The following ABLIM1 variants were observed in gnomAD, a reference collection of about 807,000 sequenced individuals.
ABLIM1 encodes the protein actin-binding LIM protein 1.
ABLIM1 carries 40 observed loss-of-function variants against 107.0 expected under a neutral mutation model. That is an observed-to-expected ratio of 0.37 (90% CI 0.29 to 0.49). The LOEUF (loss-of-function observed/expected upper bound fraction) is 0.49, where lower values mean the gene tolerates loss of function less well. ABLIM1 is among the 20% of genes least tolerant of loss of function. The pLI, the probability that ABLIM1 is intolerant of heterozygous loss-of-function variation, is 0.97. For synonymous variants in ABLIM1, 357 were observed against 357.3 expected, an observed-to-expected ratio of 1.00 and a Z score of 0.01; for missense variants, 857 against 1,008.5, an observed-to-expected ratio of 0.85 and a Z score of 2.04.
At chr10:114,615,032 A>G (rs1308373632) in intron 1 of ABLIM1, among the ~76,000 whole-genome samples, 2 of 148,236 alleles carry the variant, frequency 1.3e-5, no homozygotes, top group Non-Finnish European at 3.0e-5. Flanking sequence ...TCTGGGCAAT[A>G]AGAGCAAAAC....
At chr10:114,452,732 G>T (rs972532041) in intron 13 of ABLIM1, among the ~76,000 whole-genome samples, 1 of 151,968 alleles carries the variant, frequency 6.6e-6, no homozygotes, top group Non-Finnish European at 1.5e-5. Flanking sequence ...TATATTAATG[G>T]GCTCTGATTA....
chr10:114,453,579 G>C (rs995867017), intron 12 of ABLIM1, 96 bp from the exon 13 acceptor site: 1 of 997,540 alleles, frequency 1.0e-6, no homozygotes, highest in Non-Finnish European at 1.4e-6. Context: ...CAACAGACTG[G>C]AAGGAGGTTC....
intron 6 of ABLIM1, among the ~76,000 whole-genome samples, chr10:114,530,019 C>A (rs1231729964): frequency 6.6e-6 from 1 of 152,220 alleles, no homozygotes; most frequent in Admixed American, 6.5e-5. Context: ...AAGAGTGAAA[C>A]CCCATCTCAA....
At position 114,632,716 on chromosome 10, in the gene ABLIM1, G is replaced by A. The variant is rs533444164; in HGVS notation, c.244+25241C>T. The A allele has an allele frequency of 9.1e-5, 90 of 985,384 alleles. 1 individual carries two copies. In the South Asian group the frequency reaches 2.6e-3, roughly 28 times the overall value. 61.0% of individuals were successfully genotyped at this position (985,384 alleles called of 1,614,324 possible). A position where few individuals can be genotyped will look rare whatever the true frequency, so the allele number is the denominator to read the frequency against. On this transcript the variant is annotated intron_variant, in intron 1 of 22. Coordinates refer to ENST00000533213, the MANE Select transcript of ABLIM1 (RefSeq NM_002313.7). ...CAAAGTTAAAATCTGATTTATCCAT[G>A]TAGGGGGGATTTTGACTTCCCCCTT...
chr10:114,732,252 C>T (rs1165669069), intron 1 of ABLIM1, among the ~76,000 whole-genome samples: 4 of 143,424 alleles, frequency 2.8e-5, no homozygotes, highest in South Asian at 2.3e-4. Context: ...GGCGCCACCT[C>T]GGCTCACTGC....
At chr10:114,611,234 A>G in intron 1 of ABLIM1, among the ~76,000 whole-genome samples, 1 of 152,186 alleles carries the variant, frequency 6.6e-6, no homozygotes, top group Admixed American at 6.5e-5. Context: ...TGGGAGGCCA[A>G]GGCGGGTGGA....
intron 8 of ABLIM1, among the ~76,000 whole-genome samples, chr10:114,481,041 T>C (rs1209184766): frequency 6.6e-6 from 1 of 152,216 alleles, no homozygotes; most frequent in African/African-American, 2.4e-5. Context: ...GCCTTGATTT[T>C]GTCCATCTGT....
intron 8 of ABLIM1, among the ~76,000 whole-genome samples, chr10:114,486,716 T>C (rs1274783212): frequency 5.9e-5 from 9 of 152,164 alleles, no homozygotes; most frequent in Admixed American, 4.6e-4. Flanking sequence ...AAGTGTTTTT[T>C]TTTCCCCCTC....
chr10:114,555,826 C>T (rs1209568645), intron 4 of ABLIM1, among the ~76,000 whole-genome samples: 1 of 151,832 alleles, frequency 6.6e-6, no homozygotes, highest in African/African-American at 2.4e-5. Context: ...TTCAAGCTTT[C>T]CTTGGAATGC....
At chr10:114,695,457 T>TG (rs1337289370) in intron 1 of ABLIM1, among the ~76,000 whole-genome samples, 1 of 152,064 alleles carries the variant, frequency 6.6e-6, no homozygotes, top group Non-Finnish European at 1.5e-5. Context: ...CCAAATTAAA[T>TG]GGGGGAAAGA....
intron 2 of ABLIM1, among the ~76,000 whole-genome samples, chr10:114,587,300 G>A (rs967213424): frequency 6.6e-6 from 1 of 152,144 alleles, no homozygotes; most frequent in Non-Finnish European, 1.5e-5. Context: ...GCTATCAAAA[G>A]ATATCATTTC....
intron 8 of ABLIM1, among the ~76,000 whole-genome samples, chr10:114,484,022 T>C (rs986972138): frequency 8.5e-5 from 13 of 152,178 alleles, no homozygotes; most frequent in Admixed American, 3.3e-4. Flanking sequence ...GTGGTGCGTC[T>C]CTCTTCCTTA....
At chr10:114,740,510 C>G (rs113195377) in intron 1 of ABLIM1, among the ~76,000 whole-genome samples, 3,309 of 152,040 alleles carry the variant, frequency 0.022, 35 homozygotes, top group Middle Eastern at 0.092. Flanking sequence ...AATCCTGACT[C>G]CTTCACATCC....
chr10:114,496,520 G>A (rs1045756410), intron 6 of ABLIM1, among the ~76,000 whole-genome samples: 4 of 152,134 alleles, frequency 2.6e-5, no homozygotes, highest in Admixed American at 6.5e-5. Flanking sequence ...CGGGGGAAGA[G>A]CATTAAGAAA....
At chr10:114,710,370 A>G (rs920632342) in intron 1 of ABLIM1, among the ~76,000 whole-genome samples, 1 of 152,222 alleles carries the variant, frequency 6.6e-6, no homozygotes, top group African/African-American at 2.4e-5. Context: ...ATCATGGCAG[A>G]AAAGCAAGGG....
At chr10:114,576,676 C>A (rs1565986491) in intron 2 of ABLIM1, among the ~76,000 whole-genome samples, 1 of 152,204 alleles carries the variant, frequency 6.6e-6, no homozygotes, top group Non-Finnish European at 1.5e-5. Context: ...GACTCCCCCA[C>A]CTTCAGTCAG....
intron 1 of ABLIM1, among the ~76,000 whole-genome samples, chr10:114,646,818 C>A (rs763491054): frequency 6.6e-6 from 1 of 152,142 alleles, no homozygotes; most frequent in Non-Finnish European, 1.5e-5. Flanking sequence ...ATCCTGTTTG[C>A]ATCTTCTTTA....
chr10:114,565,766 G>T (rs1439587707), intron 4 of ABLIM1, among the ~76,000 whole-genome samples: 3 of 144,470 alleles, frequency 2.1e-5, no homozygotes, highest in Admixed American at 6.9e-5. Flanking sequence ...ACATGCACGC[G>T]ATGCTTTATC....
At position 114,432,470 on chromosome 10, in the gene ABLIM1, G is replaced by T. The variant is rs2058958718; in HGVS notation, c.*3790C>A. The T allele has an allele frequency of 1.3e-5, 2 of 152,178 alleles. No homozygotes were observed. The highest frequency in any genetic ancestry group is 1.3e-4 in the Admixed American group (2 of 15,282). 9.4% of individuals were successfully genotyped at this position (152,178 alleles called of 1,614,324 possible). A position where few individuals can be genotyped will look rare whatever the true frequency, so the allele number is the denominator to read the frequency against. ...GTTAGCTTTAAATGGTTTTTAGAAA[G>T]ACTTACCTAGTCAAAAGTGGTTAAT... On this transcript the variant is annotated 3_prime_UTR_variant, in exon 23 of 23. Transcript: ENST00000533213.
Sources: allele counts gnomAD v4.1 joint callset (sites outside exome capture counted in the v4.1 genomes callset), GRCh38; gene constraint gnomAD v4.1.1; transcripts MANE v1.5; gene names NCBI Gene and HGNC (gene_info 2026-07-23, HGNC 2026-07-21).